HS3ST5: variants seen among roughly 807,000 people sequenced by gnomAD.
HS3ST5 encodes heparan sulfate-glucosamine 3-sulfotransferase 5.
In HS3ST5, 10 loss-of-function variants were observed where a neutral mutation model predicts 25.4. That is an observed-to-expected ratio of 0.39 (90% CI 0.24 to 0.67). The LOEUF (loss-of-function observed/expected upper bound fraction) is 0.67. HS3ST5 is among the 30% of genes least tolerant of loss of function. The pLI, the probability that HS3ST5 is intolerant of heterozygous loss-of-function variation, is 0.44. For missense variants in HS3ST5, 324 were observed against 420.7 expected, an observed-to-expected ratio of 0.77 and a Z score of 2.01; for synonymous variants, 170 against 162.4, an observed-to-expected ratio of 1.05 and a Z score of -0.36.
intron 1 of HS3ST5, among the ~76,000 whole-genome samples, chr6:114,253,028 A>T (rs1001992564): frequency 3.3e-5 from 5 of 152,104 alleles, no homozygotes; most frequent in African/African-American, 1.2e-4. Context: ...TCCACAAAAA[A>T]TTAAAACTTA....
intron 3 of HS3ST5, among the ~76,000 whole-genome samples, chr6:114,082,465 A>G (rs1774509486): frequency 6.6e-6 from 1 of 152,230 alleles, no homozygotes; most frequent in Non-Finnish European, 1.5e-5. Context: ...AAACTTGTAA[A>G]GAAGAGTCAG....
chr6:114,161,009 G>A (rs1389147911), intron 3 of HS3ST5, among the ~76,000 whole-genome samples: 2 of 152,068 alleles, frequency 1.3e-5, no homozygotes, highest in South Asian at 2.1e-4. Flanking sequence ...CACCTGGGTG[G>A]GTAGGCAATA....
intron 1 of HS3ST5, among the ~76,000 whole-genome samples, chr6:114,320,756 TTTTA>T (rs2114878192): frequency 6.6e-6 from 1 of 152,076 alleles, no homozygotes; most frequent in East Asian, 1.9e-4. Context: ...GTTATTAATG[TTTTA>T]TTTGAGAAAA....
chr6:114,180,817 G>A (rs1028266817), intron 2 of HS3ST5, among the ~76,000 whole-genome samples: 3 of 152,146 alleles, frequency 2.0e-5, no homozygotes, highest in African/African-American at 7.2e-5. Context: ...CATTGCTGAG[G>A]TATGGTTTTA....
At chr6:114,302,683 C>A (rs779425029) in intron 1 of HS3ST5, among the ~76,000 whole-genome samples, 1 of 152,202 alleles carries the variant, frequency 6.6e-6, no homozygotes, top group South Asian at 2.1e-4. Flanking sequence ...GAGCAAAGGA[C>A]TGTCTTTCTA....
chr6:114,063,122 C>T (rs1773231707), intron 3 of HS3ST5, among the ~76,000 whole-genome samples: 1 of 152,138 alleles, frequency 6.6e-6, no homozygotes, highest in Non-Finnish European at 1.5e-5. Flanking sequence ...CTAGACAGAA[C>T]CTGTGAGATA....
At chr6:114,158,845 A>G (rs1778814171) in intron 3 of HS3ST5, among the ~76,000 whole-genome samples, 1 of 152,234 alleles carries the variant, frequency 6.6e-6, no homozygotes, top group African/African-American at 2.4e-5. Flanking sequence ...ATAATTGGGC[A>G]AACCAAAAAT....
At chr6:114,162,488 T>C (rs868272970) in intron 3 of HS3ST5, among the ~76,000 whole-genome samples, 1 of 152,192 alleles carries the variant, frequency 6.6e-6, no homozygotes. Flanking sequence ...CTGTTCTTTT[T>C]CCACCAATCC....
intron 3 of HS3ST5, among the ~76,000 whole-genome samples, chr6:114,150,039 T>C (rs529223928): frequency 4.5e-4 from 69 of 152,276 alleles, no homozygotes; most frequent in African/African-American, 1.6e-3. Flanking sequence ...TTTTGGCTAG[T>C]GTTAATTTTA....
At chr6:114,128,232 G>T (rs1310781462) in intron 3 of HS3ST5, among the ~76,000 whole-genome samples, 1 of 152,060 alleles carries the variant, frequency 6.6e-6, no homozygotes, top group Non-Finnish European at 1.5e-5. Flanking sequence ...GACATTTTAA[G>T]AATTTTTAAC....
chr6:114,080,478 T>G (rs1326603965), intron 3 of HS3ST5, among the ~76,000 whole-genome samples: 2 of 152,360 alleles, frequency 1.3e-5, no homozygotes, highest in Non-Finnish European at 2.9e-5. Context: ...AAAAGAAATG[T>G]GTACTCACAT....
chr6:114,165,425 C>T (rs1779162277), intron 3 of HS3ST5, among the ~76,000 whole-genome samples: 1 of 152,086 alleles, frequency 6.6e-6, no homozygotes, highest in Non-Finnish European at 1.5e-5. Flanking sequence ...TTATTACTTC[C>T]ACTTCTTCCC....
At chr6:114,103,857 A>ATTTTTTT (rs71553394) in intron 3 of HS3ST5, among the ~76,000 whole-genome samples, 4,622 of 106,794 alleles carry the variant, frequency 0.043, 316 homozygotes, top group African/African-American at 0.13. Context: ...CACCTGGCTA[A>ATTTTTTT]TTTTTTTTTT....
At chr6:114,314,013 C>A (rs562480824) in intron 1 of HS3ST5, among the ~76,000 whole-genome samples, 70 of 152,264 alleles carry the variant, frequency 4.6e-4, no homozygotes, top group Middle Eastern at 3.4e-3. Flanking sequence ...GCAGCCTCTG[C>A]CCCCCAGGCT....
intron 3 of HS3ST5, among the ~76,000 whole-genome samples, chr6:114,141,326 T>G (rs1349868951): frequency 6.6e-6 from 1 of 152,256 alleles, no homozygotes; most frequent in Non-Finnish European, 1.5e-5. Context: ...TAAATATGGA[T>G]ACTAAATTTG....
At chr6:114,115,275 A>G (rs1367132922) in intron 3 of HS3ST5, among the ~76,000 whole-genome samples, 2 of 152,094 alleles carry the variant, frequency 1.3e-5, no homozygotes, top group East Asian at 1.9e-4. Context: ...AAAGTCTCTC[A>G]TAGACACATT....
chr6:114,113,031 A>C (rs1401239554), intron 3 of HS3ST5, among the ~76,000 whole-genome samples: 1 of 152,158 alleles, frequency 6.6e-6, no homozygotes, highest in African/African-American at 2.4e-5. Context: ...TAGCTCAGGC[A>C]AAATATGCTG....
intron 3 of HS3ST5, among the ~76,000 whole-genome samples, chr6:114,166,910 A>G (rs921192177): frequency 6.6e-6 from 1 of 152,236 alleles, no homozygotes; most frequent in African/African-American, 2.4e-5. Context: ...GAAACATTTC[A>G]TCTTCTGATT....
intron 2 of HS3ST5, among the ~76,000 whole-genome samples, chr6:114,227,844 G>A (rs950680397): frequency 2.0e-5 from 3 of 151,882 alleles, no homozygotes; most frequent in Non-Finnish European, 2.9e-5. Flanking sequence ...AACATTACAC[G>A]AAACAGAGCA....
Sources: gnomAD v4.1 joint callset for allele counts (sites outside exome capture counted in the v4.1 genomes callset) on GRCh38, gnomAD v4.1.1 for gene constraint, MANE v1.5 for transcripts, NCBI Gene and HGNC (gene_info 2026-07-23, HGNC 2026-07-21) for gene names.